The following RBMS3 variants were observed in gnomAD, a reference collection of about 807,000 sequenced individuals.
RBMS3 encodes RNA binding motif single stranded interacting protein 3.
In RBMS3, 27 loss-of-function variants were observed where a neutral mutation model predicts 66.8. The observed-to-expected ratio is 0.40, with a 90% CI of 0.30 to 0.56. The LOEUF is 0.56. Ranked by LOEUF, RBMS3 falls within the 20% of genes least tolerant of loss-of-function variation. The pLI, the probability that RBMS3 is intolerant of heterozygous loss-of-function variation, is 0.40. For synonymous variants in RBMS3, 188 were observed against 183.0 expected, an observed-to-expected ratio of 1.03 and a Z score of -0.22; for missense variants, 513 against 549.5, an observed-to-expected ratio of 0.93 and a Z score of 0.66.
At chr3:29,364,989 C>T (rs2037816499) in intron 1 of RBMS3, among the ~76,000 whole-genome samples, 1 of 151,972 alleles carries the variant, frequency 6.6e-6, no homozygotes, top group Non-Finnish European at 1.5e-5. Context: ...TAAGAGCTAA[C>T]TAAAAAGATA....
intron 5 of RBMS3, among the ~76,000 whole-genome samples, chr3:29,761,560 C>G (rs890170783): frequency 6.6e-6 from 1 of 152,120 alleles, no homozygotes; most frequent in African/African-American, 2.4e-5. Flanking sequence ...CTCTTCTCAG[C>G]ATTTCTCTCA....
chr3:29,802,853 G>C (rs2057431677), intron 6 of RBMS3, among the ~76,000 whole-genome samples: 1 of 152,102 alleles, frequency 6.6e-6, no homozygotes, highest in African/African-American at 2.4e-5. Context: ...ATGGGAGTGT[G>C]TATATTCATA....
At chr3:29,528,803 G>A (rs1385319508) in intron 3 of RBMS3, among the ~76,000 whole-genome samples, 9 of 152,038 alleles carry the variant, frequency 5.9e-5, no homozygotes, top group Admixed American at 5.9e-4. Context: ...GCGTGATCTC[G>A]GCTCACTGTA....
intron 6 of RBMS3, among the ~76,000 whole-genome samples, chr3:29,783,231 C>A (rs968040406): frequency 2.0e-5 from 3 of 152,032 alleles, no homozygotes; most frequent in African/African-American, 7.2e-5. Context: ...AAGATCATCA[C>A]CTAGGCACAT....
At chr3:29,700,515 C>T (rs1398265614) in intron 4 of RBMS3, among the ~76,000 whole-genome samples, 1 of 152,076 alleles carries the variant, frequency 6.6e-6, no homozygotes. Flanking sequence ...CTCTAGGAAT[C>T]CAAGTATAAA....
At chr3:29,476,245 T>C (rs2042942214) in intron 2 of RBMS3, among the ~76,000 whole-genome samples, 1 of 152,218 alleles carries the variant, frequency 6.6e-6, no homozygotes, top group Non-Finnish European at 1.5e-5. Flanking sequence ...TTCTGACCAA[T>C]AGGCAATTAA....
chr3:29,585,083 T>C (rs1263047778), intron 3 of RBMS3, among the ~76,000 whole-genome samples: 1 of 152,158 alleles, frequency 6.6e-6, no homozygotes, highest in Non-Finnish European at 1.5e-5. Flanking sequence ...GTTGCATGCA[T>C]GGGAACTGAG....
In RBMS3 at chr3:29,656,090, A is replaced by T. The variant is rs190344883; in HGVS notation, c.399+68885A>T. ...AGTCAAAAAGTTTTTTTAATTAAAAAATTTATAAGGTAAAAAAGTTACAGT... is the reference window on the plus strand; with the variant it reads ...AGTCAAAAAGTTTTTTTAATTAAAATATTTATAAGGTAAAAAAGTTACAGT... On this transcript the variant is annotated intron_variant, in intron 4 of 14. Transcript: ENST00000383767. Among the ~76,000 whole-genome samples the T allele has an allele frequency of 5.9e-5, 9 of 152,304 alleles. No homozygotes were observed. In the East Asian group the frequency reaches 9.6e-4, roughly 16 times the overall value.
At chr3:29,363,067 A>G (rs996455097) in intron 1 of RBMS3, among the ~76,000 whole-genome samples, 2 of 152,126 alleles carry the variant, frequency 1.3e-5, no homozygotes, top group East Asian at 1.9e-4. Context: ...ATATCTGACA[A>G]TGGCTTGAGT....
intron 2 of RBMS3, among the ~76,000 whole-genome samples, chr3:29,435,922 C>T (rs2041383518): frequency 6.7e-6 from 1 of 148,418 alleles, no homozygotes; most frequent in South Asian, 2.1e-4. Context: ...TGCAGTGAGC[C>T]GAGATCACGC....
At chr3:29,287,622 CAG>C (rs2032466343) in intron 1 of RBMS3, among the ~76,000 whole-genome samples, 1 of 152,012 alleles carries the variant, frequency 6.6e-6, no homozygotes, top group South Asian at 2.1e-4. Flanking sequence ...ATTTCTGTAA[CAG>C]AGATGTTATC....
intron 4 of RBMS3, among the ~76,000 whole-genome samples, chr3:29,684,475 AACCAACTGT>A (rs1364795457): frequency 6.6e-6 from 1 of 152,160 alleles, no homozygotes; most frequent in Non-Finnish European, 1.5e-5. Flanking sequence ...AATCAATTAA[AACCAACTGT>A]GGTGGTAAAA....
At position 29,378,231 on chromosome 3, in the gene RBMS3, G is replaced by T. The variant is rs2038577423; in HGVS notation, c.76-56512G>T. 1.3e-5 allele frequency among the ~76,000 whole-genome samples: 2 copies of T among 152,108 alleles called. 1 individual carries two copies. Among genetic ancestry groups the T allele is most frequent in the South Asian group, 4.1e-4 (2 of 4,826 alleles). ...CTCACGCCTGTAATCCCAGCACTTT[G>T]GGAGGCCCAGGAGGGTGGATCACGA... On this transcript the variant is annotated intron_variant, in intron 1 of 14. Coordinates refer to ENST00000383767, the MANE Select transcript of RBMS3 (RefSeq NM_001003793.3).
chr3:29,428,105 G>A lies in RBMS3; in HGVS notation c.76-6638G>A, dbSNP rs371425574. Among the ~76,000 whole-genome samples, 271 of 152,170 alleles carry A rather than the reference G, an allele frequency of 1.8e-3. 1 individual carries two copies. The highest frequency in any genetic ancestry group is 6.3e-3 in the African/African-American group (261 of 41,504). On this transcript the variant is annotated intron_variant, in intron 1 of 14. Transcript: ENST00000383767. ...GGTTTGGTGGTAAGGTTTTGTTTAC[G>A]GTTTTTTTAGGCCATTGAGTTAGTA...
intron 14 of RBMS3, among the ~76,000 whole-genome samples, chr3:29,999,724 C>G (rs1699487007): frequency 6.6e-6 from 1 of 150,684 alleles, no homozygotes; most frequent in Admixed American, 6.6e-5. Context: ...CACATGGACA[C>G]AGGAAGGGGA....
chr3:29,716,666 TC>T (rs1236859478), intron 4 of RBMS3, among the ~76,000 whole-genome samples: 5 of 152,138 alleles, frequency 3.3e-5, no homozygotes, highest in Admixed American at 3.3e-4. Context: ...AACGAAACCT[TC>T]CCCTTGTGTA....
chr3:29,529,838 G>T (rs1221333208), intron 3 of RBMS3, among the ~76,000 whole-genome samples: 3 of 152,018 alleles, frequency 2.0e-5, no homozygotes, highest in Non-Finnish European at 4.4e-5. Context: ...GGCATCTATG[G>T]CATTGTTTGT....
At chr3:29,693,396 C>T (rs2052122393) in intron 4 of RBMS3, among the ~76,000 whole-genome samples, 1 of 152,018 alleles carries the variant, frequency 6.6e-6, no homozygotes, top group South Asian at 2.1e-4. Context: ...ACATGGATGC[C>T]TCTGAGGATG....
chr3:29,848,593 A>G (rs2058849316), intron 6 of RBMS3, among the ~76,000 whole-genome samples: 1 of 152,272 alleles, frequency 6.6e-6, no homozygotes. Context: ...CAAAAAGGGC[A>G]GGGATGCTGA....
Sources: allele counts gnomAD v4.1 joint callset (sites outside exome capture counted in the v4.1 genomes callset), GRCh38; gene constraint gnomAD v4.1.1; transcripts MANE v1.5; gene names NCBI Gene and HGNC (gene_info 2026-07-23, HGNC 2026-07-21).